The following SLC16A3 variants were observed in gnomAD, a reference collection of about 807,000 sequenced individuals.
SLC16A3 encodes the protein monocarboxylate transporter 4.
A neutral mutation model predicts 25.0 loss-of-function variants in SLC16A3; 22 were observed. That is an observed-to-expected ratio of 0.88 (90% confidence interval 0.63 to 1.26). SLC16A3 has a LOEUF of 1.26. Among genes scored for constraint, SLC16A3 ranks in the 50% most tolerant of loss-of-function variants. The pLI, the probability that SLC16A3 is intolerant of heterozygous loss-of-function variation, is 0.00. For synonymous variants in SLC16A3, 390 were observed against 309.2 expected (o/e 1.26, Z -2.74); for missense variants, 731 against 666.6 (o/e 1.10, Z -1.06).
At chr17:82,222,715 A>C (rs1264844912) in intron 1 of SLC16A3, among the ~76,000 whole-genome samples, 1 of 151,792 alleles carries the variant, frequency 6.6e-6, no homozygotes, top group East Asian at 1.9e-4. Flanking sequence ...AGGCAGGAGA[A>C]TCACTCGAAC....
chr17:82,233,873 C>T (rs1431960589), intron 1 of SLC16A3: 1 of 152,064 alleles, frequency 6.6e-6, no homozygotes, highest in African/African-American at 2.4e-5. Context: ...CAGAGTCTCG[C>T]TCTGTGGCCC....
Position 82,240,018 on chromosome 17 carries a change from C to T in SLC16A3, c.*1042C>T. 1.6e-6 allele frequency: 2 copies of T among 1,233,790 alleles called. No homozygotes were observed. The highest frequency in any genetic ancestry group is 2.0e-6 in the Non-Finnish European group (2 of 987,890). The allele number at this position is 1,233,790 out of a possible 1,614,324, so 76.4% of individuals were successfully genotyped here. A position where few individuals can be genotyped will look rare whatever the true frequency, so the allele number is the denominator to read the frequency against. ...GGCGCTGGGGACGGCAGCGGGTGCCCTGGCGGGCCGCGTGCAGCCGGAGAG... is the reference window on the plus strand; with the variant it reads ...GGCGCTGGGGACGGCAGCGGGTGCCTTGGCGGGCCGCGTGCAGCCGGAGAG... On this transcript the variant is annotated 3_prime_UTR_variant, in exon 5 of 5. Coordinates refer to ENST00000582743, the MANE Select transcript of SLC16A3 (RefSeq NM_004207.4).
chr17:82,233,990 G>GCACA, intron 1 of SLC16A3: 1 of 152,190 alleles, frequency 6.6e-6, no homozygotes, highest in Non-Finnish European at 1.5e-5. Flanking sequence ...ACAGGCGCCT[G>GCACA]CCACTGCGCC....
chr17:82,235,769 G>T, intron 1 of SLC16A3: 1 of 584,724 alleles, frequency 1.7e-6, no homozygotes, highest in Non-Finnish European at 3.1e-6. Context: ...GAGGGTGCAG[G>T]AGGCAGTGCA....
intron 1 of SLC16A3, chr17:82,234,074 T>C (rs1269180111): frequency 1.3e-5 from 2 of 152,168 alleles, no homozygotes; most frequent in African/African-American, 2.4e-5. Context: ...TCTCCTGACC[T>C]CGTGATCCGC....
At position 82,235,977 on chromosome 17, in the gene SLC16A3, T is replaced by C; in HGVS notation, c.-26-6T>C. The C allele has an allele frequency of 6.3e-7, 1 of 1,578,292 alleles. No homozygotes were observed. The highest frequency in any genetic ancestry group is 8.6e-7 in the Non-Finnish European group (1 of 1,157,288). On this transcript the variant is annotated splice_region_variant and splice_polypyrimidine_tract_variant and intron_variant, in intron 1 of 4. Transcript: ENST00000582743. ...GCAGCCTGAGTCAGCCTGCTTTCTC[T>C]CTCAGGTGAGGCGGAACCAACCCTC...
upstream of SLC16A3, among the ~76,000 whole-genome samples, chr17:82,225,288 C>G (rs919716848): frequency 2.3e-4 from 35 of 152,232 alleles, no homozygotes; most frequent in Middle Eastern, 3.4e-3. Flanking sequence ...ATGTATTTTT[C>G]TGTGAGCCTG....
In SLC16A3 at chr17:82,229,057, AGGCGGC is replaced by A; in HGVS notation, c.-74_-69del. The A allele has an allele frequency of 7.1e-5, 1 of 14,174 alleles. No individual in the cohort carries two copies. Among genetic ancestry groups the A allele is most frequent in the Admixed American group, 9.6e-4 (1 of 1,042 alleles). The allele number at this position is 14,174 out of a possible 1,614,324, so 0.9% of individuals were successfully genotyped here. ...GGAGCGGACCGGCAGAGGCGGGCAG[AGGCGGC>A]GAGAGGCGGCGAGAGGCGGGCTGAG... On this transcript the variant is annotated 5_prime_UTR_variant, in exon 1 of 5. Coordinates refer to ENST00000582743, the MANE Select transcript of SLC16A3 (RefSeq NM_004207.4).
chr17:82,225,441 C>T (rs2050415959), upstream of SLC16A3, among the ~76,000 whole-genome samples: 1 of 152,134 alleles, frequency 6.6e-6, no homozygotes, highest in Non-Finnish European at 1.5e-5. Flanking sequence ...GGGCACGTCC[C>T]GCCACACGCC....
chr17:82,229,307 C>T (rs1474470079), intron 1 of SLC16A3: 3 of 152,276 alleles, frequency 2.0e-5, no homozygotes, highest in Non-Finnish European at 4.4e-5. Context: ...AGCCGCGCCC[C>T]TCCGCGCCCT....
chr17:82,237,854 A>C lies in SLC16A3; in HGVS notation c.1084A>C (p.Met362Leu), dbSNP rs553565857. 5.4e-5 allele frequency: 86 copies of C among 1,604,176 alleles called. No homozygotes were observed. Among genetic ancestry groups the C allele is most frequent in the Non-Finnish European group, 7.1e-5 (84 of 1,179,818 alleles). The change falls in exon 4 of 5, where the codon ATG (methionine) becomes CTG (leucine). Residue 362 changes from methionine to leucine, a missense_variant. Transcript: ENST00000582743. ...CAGTGCCATTGGCCTGGTGCTGCTG[A>C]TGGAGGCGGTGGCCGTGCTCGTCGG... ...FSSAIGLVLLMEAVAVLVGPP... is the reference protein window; with the variant it reads ...FSSAIGLVLLLEAVAVLVGPP...
At chr17:82,229,884 C>T (rs2050466141) in intron 1 of SLC16A3, 2 of 152,574 alleles carry the variant, frequency 1.3e-5, no homozygotes, top group African/African-American at 2.4e-5. Flanking sequence ...CCGGGGCCTC[C>T]AGGGGTGGCT....
intron 1 of SLC16A3, among the ~76,000 whole-genome samples, chr17:82,233,240 A>G (rs1486224818): frequency 6.6e-6 from 1 of 152,174 alleles, no homozygotes; most frequent in Non-Finnish European, 1.5e-5. Context: ...CCATTTCAGC[A>G]TGGCTGGCAC....
upstream of SLC16A3, among the ~76,000 whole-genome samples, chr17:82,225,867 AC>A (rs2050418506): frequency 6.6e-6 from 1 of 151,682 alleles, no homozygotes; most frequent in Non-Finnish European, 1.5e-5. Context: ...CTGTTCTGCC[AC>A]CCTCCCTGGG....
intron 4 of SLC16A3, 81 bp downstream of exon 4, chr17:82,237,974 C>T (rs2050656356): frequency 2.7e-6 from 4 of 1,468,824 alleles, no homozygotes; most frequent in Non-Finnish European, 3.7e-6. Flanking sequence ...GGACGCGCAC[C>T]CCTCGGCAGC....
chr17:82,221,476 G>T (rs764709190), intron 1 of SLC16A3, among the ~76,000 whole-genome samples: 16 of 152,062 alleles, frequency 1.1e-4, no homozygotes, highest in Non-Finnish European at 1.9e-4. Flanking sequence ...CTGAGGCGGG[G>T]AAGACTCGTG....
intron 1 of SLC16A3, chr17:82,230,811 T>G (rs1235396679): frequency 6.6e-6 from 1 of 151,946 alleles, no homozygotes; most frequent in African/African-American, 2.4e-5. Context: ...CCTCCTAGCG[T>G]CACCTGCCCG....
At chr17:82,220,503 G>A (rs1245983088) in intron 1 of SLC16A3, among the ~76,000 whole-genome samples, 1 of 152,184 alleles carries the variant, frequency 6.6e-6, no homozygotes, top group African/African-American at 2.4e-5. Flanking sequence ...AGGCATGGTG[G>A]CTTATGCCTG....
chr17:82,230,630 T>A (rs945773971), intron 1 of SLC16A3: 1 of 152,228 alleles, frequency 6.6e-6, no homozygotes, highest in Non-Finnish European at 1.5e-5. Context: ...GGTCCTGGGG[T>A]GACCTGGCCA....
Sources: gnomAD v4.1 joint callset for allele counts (sites outside exome capture counted in the v4.1 genomes callset) on GRCh38, gnomAD v4.1.1 for gene constraint, MANE v1.5 for transcripts, NCBI Gene and HGNC (gene_info 2026-07-23, HGNC 2026-07-21) for gene names.